Variants in JAKMIP1 observed in about 807,000 individuals in gnomAD.
JAKMIP1 encodes the protein janus kinase and microtubule interacting protein 1, also known as janus kinase and microtubule-interacting protein 1.
A neutral mutation model predicts 113.0 loss-of-function variants in JAKMIP1; 33 were observed. The ratio of observed to expected loss-of-function variants is 0.29; its 90% CI spans 0.22 to 0.39. JAKMIP1 has a LOEUF of 0.39. Among genes scored for constraint, JAKMIP1 ranks in the 10% least tolerant of loss-of-function variants. The pLI is 1.00. For missense variants in JAKMIP1, 813 were observed against 1,080.5 expected, an observed-to-expected ratio of 0.75 and a Z score of 3.47; for synonymous variants, 480 against 459.9, an observed-to-expected ratio of 1.04 and a Z score of -0.56.
chr4:6,170,497 C>G (rs1390524828), intron 1 of JAKMIP1, among the ~76,000 whole-genome samples: 1 of 149,788 alleles, frequency 6.7e-6, no homozygotes, highest in Non-Finnish European at 1.5e-5. Flanking sequence ...CCCCCAGCAC[C>G]CTTCTATCAC....
chr4:6,091,683 T>C (rs1454799090), intron 3 of JAKMIP1, among the ~76,000 whole-genome samples: 3 of 152,150 alleles, frequency 2.0e-5, no homozygotes, highest in Non-Finnish European at 4.4e-5. Context: ...ACATACGTGA[T>C]TGAGAAAAGG....
In JAKMIP1 at chr4:6,086,764, C is replaced by T. The variant is rs1441875179; in HGVS notation, c.625-1135G>A. On this transcript the variant is annotated intron_variant, in intron 3 of 20. Coordinates refer to ENST00000409021, the MANE Select transcript of JAKMIP1 (RefSeq NM_001099433.2). This position sits in a 1 kb window ranked among gnomAD's most constrained non-coding sequence, Gnocchi z 4.1. ...CAGGTGCAATTAGTTAAGATGAGGTCATCCTGGAGCAGGGTGGGCCCTTAT... is the reference window on the plus strand; with the variant it reads ...CAGGTGCAATTAGTTAAGATGAGGTTATCCTGGAGCAGGGTGGGCCCTTAT... Among the ~76,000 whole-genome samples, 1 of 152,020 alleles carries T rather than the reference C, an allele frequency of 6.6e-6. No homozygotes were observed. The highest frequency in any genetic ancestry group is 1.5e-5 in the Non-Finnish European group (1 of 68,002).
chr4:6,147,101 A>G lies in JAKMIP1; in HGVS notation c.-147-34104T>C, dbSNP rs529499028. Among the ~76,000 whole-genome samples, 14 of 152,226 alleles carry G rather than the reference A, an allele frequency of 9.2e-5. No homozygotes were observed. In the East Asian group the frequency reaches 1.9e-3, roughly 21 times the overall value. On this transcript the variant is annotated intron_variant, in intron 1 of 20. Coordinates refer to ENST00000409021, the MANE Select transcript of JAKMIP1 (RefSeq NM_001099433.2). ...CAGCCTCCCGAGTAACTGGGATTACAGGAGCCAACCACTATGCCTGGCTAA... is the reference window on the plus strand; with the variant it reads ...CAGCCTCCCGAGTAACTGGGATTACGGGAGCCAACCACTATGCCTGGCTAA...
chr4:6,089,133 T>TC lies in JAKMIP1; in HGVS notation c.625-3505dup, dbSNP rs973256634. Among the ~76,000 whole-genome samples the TC allele has an allele frequency of 1.3e-4, 20 of 151,602 alleles. No individual in the cohort carries two copies. In the South Asian group the frequency reaches 3.4e-3, roughly 26 times the overall value. ...TGTGGGACCTGGCACAGTGGTGGCA[T>TC]CCCCCCAGCACAGCATGAGAGCCCA... On this transcript the variant is annotated intron_variant, in intron 3 of 20. Coordinates refer to ENST00000409021, the MANE Select transcript of JAKMIP1 (RefSeq NM_001099433.2). The surrounding 1 kb of genome is among the most constrained non-coding windows in gnomAD (Gnocchi z 5.3).
intron 2 of JAKMIP1, among the ~76,000 whole-genome samples, chr4:6,107,641 A>G (rs1471300254): frequency 6.6e-6 from 1 of 151,988 alleles, no homozygotes; most frequent in African/African-American, 2.4e-5. Context: ...TGCAAGATCA[A>G]CCCTTGCCTG....
At chr4:6,169,603 T>TGTGTG (rs201784962) in intron 1 of JAKMIP1, among the ~76,000 whole-genome samples, 16,013 of 137,320 alleles carry the variant, frequency 0.12, 1,093 homozygotes, top group Middle Eastern at 0.15. Flanking sequence ...CCCTAGGAAA[T>TGTGTG]TGTGTGTGTG....
intron 1 of JAKMIP1, among the ~76,000 whole-genome samples, chr4:6,161,290 CTCCCTGACCTCCACTGA>C: frequency 6.7e-6 from 1 of 149,582 alleles, no homozygotes; most frequent in African/African-American, 2.5e-5. Flanking sequence ...CTCCACTCAG[CTCCCTGACCTCCACTGA>C]CTTCTATGGC....
intron 3 of JAKMIP1, among the ~76,000 whole-genome samples, chr4:6,098,734 G>GAAAA (rs1451332630): frequency 9.2e-3 from 68 of 7,384 alleles, no homozygotes; most frequent in Non-Finnish European, 0.02. Context: ...AAGAAAGAAA[G>GAAAA]AGAAGGAAGG....
rs116167889 is a variant in JAKMIP1, at chr4:6,181,757, C to A, written c.-148+18496G>T. On this transcript the variant is annotated intron_variant, in intron 1 of 20. Coordinates refer to ENST00000409021, the MANE Select transcript of JAKMIP1 (RefSeq NM_001099433.2). The surrounding 1 kb of genome is among the most constrained non-coding windows in gnomAD (Gnocchi z 5.4). ...TCCTAGTGCCTGTTCCATGCCAGAC[C>A]CTGTGCTGAGCCTCAAACATGAATC... 0.013 allele frequency among the ~76,000 whole-genome samples: 1,932 copies of A among 152,246 alleles called. 47 individuals carry two copies. Among genetic ancestry groups the A allele is most frequent in the African/African-American group, 0.045 (1,857 of 41,534 alleles).
chr4:6,187,563 G>T lies in JAKMIP1; in HGVS notation c.-148+12690C>A, dbSNP rs1345018276. Among the ~76,000 whole-genome samples the T allele has an allele frequency of 2.0e-5, 3 of 152,238 alleles. No individual in the cohort carries two copies. The highest frequency in any genetic ancestry group is 4.4e-5 in the Non-Finnish European group (3 of 68,038). Reference sequence around the variant, plus strand: ...GCCTTTGTAAAAGAAACCCTAGGGAGCTAGCTCACCCCTTCCACCATGTGA... The same window carrying T: ...GCCTTTGTAAAAGAAACCCTAGGGATCTAGCTCACCCCTTCCACCATGTGA... On this transcript the variant is annotated intron_variant, in intron 1 of 20. Transcript: ENST00000409021. This position sits in a 1 kb window ranked among gnomAD's most constrained non-coding sequence, Gnocchi z 4.2.
chr4:6,117,859 T>C (rs1423084481), intron 1 of JAKMIP1, among the ~76,000 whole-genome samples: 16 of 152,220 alleles, frequency 1.1e-4, no homozygotes, highest in African/African-American at 3.6e-4. Flanking sequence ...CTGTTCTGCC[T>C]GGCTCACCAG....
In JAKMIP1 at chr4:6,157,070, C is replaced by G. The variant is rs956026826; in HGVS notation, c.-148+43183G>C. 6.6e-6 allele frequency among the ~76,000 whole-genome samples: 1 copy of G among 152,116 alleles called. No individual in the cohort carries two copies. The highest frequency in any genetic ancestry group is 2.4e-5 in the African/African-American group (1 of 41,426). On this transcript the variant is annotated intron_variant, in intron 1 of 20. Coordinates refer to ENST00000409021, the MANE Select transcript of JAKMIP1 (RefSeq NM_001099433.2). The surrounding 1 kb of genome is among the most constrained non-coding windows in gnomAD (Gnocchi z 4.7). The stretch of plus-strand genomic sequence containing the variant: ...AATGCCATTATTGCCGGAGTGGATT[C>G]CTGATAAAAAGCTGAGTTCAGCCCC...
rs925783660 is a variant in JAKMIP1 at position 6,197,074 on chromosome 4, G to A, written c.-148+3179C>T. ...GTAGACCTCACCCTGTGTGGTGCCC[G>A]TGCAGCAAAGATGAGATAACCCGAG... On this transcript the variant is annotated intron_variant, in intron 1 of 20. Coordinates refer to ENST00000409021, the MANE Select transcript of JAKMIP1 (RefSeq NM_001099433.2). The surrounding 1 kb of genome is among the most constrained non-coding windows in gnomAD (Gnocchi z 6.5). Among the ~76,000 whole-genome samples the A allele has an allele frequency of 6.6e-6, 1 of 152,172 alleles. No homozygotes were observed. The highest frequency in any genetic ancestry group is 1.5e-5 in the Non-Finnish European group (1 of 68,036).
Position 6,141,025 on chromosome 4 carries a change from T to TGTAACCTCAGCAGCCAGCATGGGCCCC in JAKMIP1, c.-147-28055_-147-28029dup, listed in dbSNP as rs1720064416. 1.3e-5 allele frequency among the ~76,000 whole-genome samples: 2 copies of TGTAACCTCAGCAGCCAGCATGGGCCCC among 152,170 alleles called. No individual in the cohort carries two copies. The highest frequency in any genetic ancestry group is 4.8e-5 in the African/African-American group (2 of 41,418). ...CCCTGTGGGCCAGGCATCTGGGACC[T>TGTAACCTCAGCAGCCAGCATGGGCCCC]GTAACCTCAGCAGCCAGCATGGGCC... On this transcript the variant is annotated intron_variant, in intron 1 of 20. Coordinates refer to ENST00000409021, the MANE Select transcript of JAKMIP1 (RefSeq NM_001099433.2). The surrounding 1 kb of genome is among the most constrained non-coding windows in gnomAD (Gnocchi z 9.4).
At chr4:6,098,231 G>T (rs962514183) in intron 3 of JAKMIP1, among the ~76,000 whole-genome samples, 18 of 152,180 alleles carry the variant, frequency 1.2e-4, no homozygotes, top group African/African-American at 4.3e-4. Context: ...AGGAGTTCGA[G>T]ACCAGCCTGG....
chr4:6,130,491 C>G (rs1388756584), intron 1 of JAKMIP1, among the ~76,000 whole-genome samples: 1 of 152,100 alleles, frequency 6.6e-6, no homozygotes, highest in Non-Finnish European at 1.5e-5. Context: ...ATGTCTGGCT[C>G]TCAACAAAAA....
intron 11 of JAKMIP1, among the ~76,000 whole-genome samples, chr4:6,058,967 C>T (rs1006099261): frequency 2.6e-5 from 4 of 152,190 alleles, no homozygotes; most frequent in Non-Finnish European, 5.9e-5. Flanking sequence ...CTGGGTTCTC[C>T]TCTGTCCTCC....
Position 6,181,457 on chromosome 4 carries a change from T to G in JAKMIP1, c.-148+18796A>C, listed in dbSNP as rs10937705. 0.69 allele frequency among the ~76,000 whole-genome samples: 104,772 copies of G among 151,934 alleles called. 37,637 individuals are homozygous for G. Among genetic ancestry groups the G allele is most frequent in the East Asian group, 0.99 (5,061 of 5,132 alleles). On this transcript the variant is annotated intron_variant, in intron 1 of 20. Transcript: ENST00000409021. This position sits in a 1 kb window ranked among gnomAD's most constrained non-coding sequence, Gnocchi z 5.4. ...GAAGTCCTTCTCAGGTGCAGACATT[T>G]GCAGAGTCCCTCAATGTCTCAGTGG...
At position 6,097,094 on chromosome 4, in the gene JAKMIP1, T is replaced by C. The variant is rs1711916595; in HGVS notation, c.624+8379A>G. On this transcript the variant is annotated intron_variant, in intron 3 of 20. Coordinates refer to ENST00000409021, the MANE Select transcript of JAKMIP1 (RefSeq NM_001099433.2). The surrounding 1 kb of genome is among the most constrained non-coding windows in gnomAD (Gnocchi z 4.3). ...GTAGGTCACAGTAGCCTCAATCTGC[T>C]GGCTTCAAGCAATCCTCCCACCTGG... Among the ~76,000 whole-genome samples the C allele has an allele frequency of 6.6e-6, 1 of 152,180 alleles. No individual in the cohort carries two copies. Among genetic ancestry groups the C allele is most frequent in the African/African-American group, 2.4e-5 (1 of 41,440 alleles).
Sources: gnomAD v4.1 joint callset for allele counts (sites outside exome capture counted in the v4.1 genomes callset) on GRCh38, gnomAD v4.1.1 for gene constraint, Gnocchi (gnomAD v3.1) non-coding constraint, MANE v1.5 for transcripts, NCBI Gene and HGNC (gene_info 2026-07-23, HGNC 2026-07-21) for gene names.